NECTIN3: variants seen among roughly 807,000 people sequenced by gnomAD.
NECTIN3 encodes nectin cell adhesion molecule 3, also known as nectin-3.
In NECTIN3, 8 loss-of-function variants were observed where a neutral mutation model predicts 49.4. The observed-to-expected ratio is 0.16, with a 90% CI of 0.10 to 0.29. The LOEUF (loss-of-function observed/expected upper bound fraction) is 0.29. Ranked by LOEUF, NECTIN3 falls within the 10% of genes least tolerant of loss-of-function variation. The pLI is 1.00. For missense variants in NECTIN3, 581 were observed against 654.6 expected, an observed-to-expected ratio of 0.89 and a Z score of 1.23; for synonymous variants, 277 against 241.1, an observed-to-expected ratio of 1.15 and a Z score of -1.38.
At chr3:111,169,187 T>C (rs935980698) in intron 7 of NECTIN3, among the ~76,000 whole-genome samples, 3 of 148,708 alleles carry the variant, frequency 2.0e-5, no homozygotes, top group Admixed American at 2.0e-4. Flanking sequence ...CCTCGTGGGT[T>C]CACGCCATTC....
At chr3:111,162,649 A>T (rs758643324) in intron 7 of NECTIN3, among the ~76,000 whole-genome samples, 2 of 152,170 alleles carry the variant, frequency 1.3e-5, no homozygotes, top group Non-Finnish European at 2.9e-5. Flanking sequence ...AATTCATTAT[A>T]TATATAATTT....
In NECTIN3 at chr3:111,135,527, T is replaced by C. The variant is rs955795792; in HGVS notation, c.*1312T>C. 1.3e-5 allele frequency: 13 copies of C among 982,402 alleles called. No homozygotes were observed. The highest frequency in any genetic ancestry group is 1.6e-5 in the Non-Finnish European group (13 of 827,360). The allele number at this position is 982,402 out of a possible 1,614,324, so 60.9% of individuals were successfully genotyped here. The stretch of plus-strand genomic sequence containing the variant: ...GCTTCTACAGTGGAGGCTTACAAAA[T>C]TATTGTGACAACTATTTTGAAGCTG... On this transcript the variant is annotated 3_prime_UTR_variant, in exon 6 of 6. Coordinates refer to ENST00000485303, the MANE Select transcript of NECTIN3 (RefSeq NM_015480.3).
Position 111,136,946 on chromosome 3 carries a change from G to C in NECTIN3, c.*2731G>C. On this transcript the variant is annotated 3_prime_UTR_variant, in exon 6 of 6. Coordinates refer to ENST00000485303, the MANE Select transcript of NECTIN3 (RefSeq NM_015480.3). Reference sequence around the variant, plus strand: ...TGAAAGATTTAGTATTTTACCACGTGCCTAGTAGGGTTCTATTTGCTAACT... The same window carrying C: ...TGAAAGATTTAGTATTTTACCACGTCCCTAGTAGGGTTCTATTTGCTAACT... 2.1e-6 allele frequency: 2 copies of C among 974,216 alleles called. No homozygotes were observed. The highest frequency in any genetic ancestry group is 2.4e-6 in the Non-Finnish European group (2 of 819,954). 60.3% of individuals were successfully genotyped at this position (974,216 alleles called of 1,614,324 possible).
Position 111,072,002 on chromosome 3 carries a change from G to A in NECTIN3, c.-16G>A, listed in dbSNP as rs770636120. ...CGGGGGGCGGGCGGGCGAGCGGGCC[G>A]GGGGGAGGGTGGGGGATGGCGCGGA... On this transcript the variant is annotated 5_prime_UTR_variant, in exon 1 of 6. Coordinates refer to ENST00000485303, the MANE Select transcript of NECTIN3 (RefSeq NM_015480.3). The A allele has an allele frequency of 8.1e-5, 119 of 1,472,432 alleles. 1 individual carries two copies. The African/African-American group carries it at 9.9e-4, about 12-fold the overall frequency. 91.2% of individuals were successfully genotyped at this position (1,472,432 alleles called of 1,614,324 possible).
chr3:111,125,307 G>T (rs1029864553), intron 4 of NECTIN3, among the ~76,000 whole-genome samples: 7 of 151,866 alleles, frequency 4.6e-5, no homozygotes, highest in African/African-American at 1.7e-4. Flanking sequence ...GGGATTACAG[G>T]TGTGAGCCAC....
chr3:111,132,131 T>G (rs925018479), intron 5 of NECTIN3, among the ~76,000 whole-genome samples: 1 of 151,870 alleles, frequency 6.6e-6, no homozygotes, highest in Non-Finnish European at 1.5e-5. Flanking sequence ...ATTCTACACT[T>G]GTTTTCTTGG....
chr3:111,181,220 C>T (rs1285073762), intron 7 of NECTIN3, among the ~76,000 whole-genome samples: 1 of 152,152 alleles, frequency 6.6e-6, no homozygotes, highest in East Asian at 1.9e-4. Context: ...AATGGAATCC[C>T]AGTGTGCTCT....
chr3:111,079,262 A>G (rs2031438242), intron 1 of NECTIN3, among the ~76,000 whole-genome samples: 1 of 152,100 alleles, frequency 6.6e-6, no homozygotes, highest in Non-Finnish European at 1.5e-5. Flanking sequence ...AGTTGTAGCT[A>G]GATTCTTAAA....
At chr3:111,080,500 T>G (rs2031523837) in intron 1 of NECTIN3, among the ~76,000 whole-genome samples, 1 of 152,208 alleles carries the variant, frequency 6.6e-6, no homozygotes, top group South Asian at 2.1e-4. Flanking sequence ...AGGATACTAC[T>G]GTTGCTTTGC....
intron 7 of NECTIN3, among the ~76,000 whole-genome samples, chr3:111,171,676 A>G (rs1443386926): frequency 6.6e-6 from 1 of 151,940 alleles, no homozygotes; most frequent in African/African-American, 2.4e-5. Flanking sequence ...GAGATATTAT[A>G]TGACCCTACT....
intron 1 of NECTIN3, among the ~76,000 whole-genome samples, chr3:111,097,510 T>C (rs1477111391): frequency 1.3e-5 from 2 of 152,266 alleles, no homozygotes; most frequent in African/African-American, 4.8e-5. Context: ...TGGAATGATA[T>C]GGTTTGGCTG....
chr3:111,072,093 G>C lies in NECTIN3; in HGVS notation c.76G>C (p.Gly26Arg). Residue 26 changes from glycine to arginine, a missense_variant, in exon 1 of 6, where the codon GGA becomes CGA. Gly to Arg is a moderately radical substitution (Grantham distance 125). This residue lies in a region of NECTIN3 where 109 missense variants were observed against 69.1 expected (regional missense o/e 1.58). Transcript: ENST00000485303. ...KAQLSSASLL[G>R]AGLLLQPPTP... ...ACAACTTTCCTCCGCTTCTCTCCTCGGAGCCGGGCTCCTGCTGCAGCCCCC... is the reference window on the plus strand; with the variant it reads ...ACAACTTTCCTCCGCTTCTCTCCTCCGAGCCGGGCTCCTGCTGCAGCCCCC... The C allele has an allele frequency of 6.5e-7, 1 of 1,549,382 alleles. No homozygotes were observed. The highest frequency in any genetic ancestry group is 8.7e-7 in the Non-Finnish European group (1 of 1,146,104).
intron 7 of NECTIN3, among the ~76,000 whole-genome samples, chr3:111,169,281 G>A (rs556931872): frequency 1.1e-4 from 16 of 150,914 alleles, no homozygotes; most frequent in South Asian, 8.4e-4. Flanking sequence ...TATTAGAGAC[G>A]GGGTTTCACC....
At position 111,136,724 on chromosome 3, in the gene NECTIN3, C is replaced by A; in HGVS notation, c.*2509C>A. The A allele has an allele frequency of 3.3e-6, 3 of 918,858 alleles. No homozygotes were observed. The highest frequency in any genetic ancestry group is 3.9e-6 in the Non-Finnish European group (3 of 769,882). The allele number at this position is 918,858 out of a possible 1,614,324, so 56.9% of individuals were successfully genotyped here. A position where few individuals can be genotyped will look rare whatever the true frequency, so the allele number is the denominator to read the frequency against. ...TTTTTGGCCATATTTATATTTATTT[C>A]TTTCATATGGTTTGAACTGTTTTAG... On this transcript the variant is annotated 3_prime_UTR_variant, in exon 6 of 6. Coordinates refer to ENST00000485303, the MANE Select transcript of NECTIN3 (RefSeq NM_015480.3).
At chr3:111,176,258 C>A (rs1456065031) in intron 7 of NECTIN3, among the ~76,000 whole-genome samples, 1 of 152,106 alleles carries the variant, frequency 6.6e-6, no homozygotes, top group Admixed American at 6.5e-5. Flanking sequence ...AAGAAAAATC[C>A]TTGACTCATT....
At chr3:111,130,597 A>G (rs867452684) in intron 5 of NECTIN3, among the ~76,000 whole-genome samples, 13 of 152,188 alleles carry the variant, frequency 8.5e-5, no homozygotes, top group African/African-American at 3.1e-4. Flanking sequence ...AAATAAATGC[A>G]TCTTAGGACT....
At chr3:111,182,987 TTTAG>T (rs1428490447) in intron 7 of NECTIN3, among the ~76,000 whole-genome samples, 2 of 152,058 alleles carry the variant, frequency 1.3e-5, no homozygotes, top group African/African-American at 2.4e-5. Context: ...AATACATTTA[TTTAG>T]TATTTAGCAT....
upstream of NECTIN3, chr3:111,192,339 G>T: frequency 6.5e-7 from 1 of 1,534,828 alleles, no homozygotes. Context: ...ATCTTTTTGT[G>T]TTTTCTTCCA....
Position 111,112,271 on chromosome 3 carries a change from T to C in NECTIN3, c.402T>C (p.Thr134=), listed in dbSNP as rs769150384. The C allele has an allele frequency of 8.7e-6, 14 of 1,613,644 alleles. No homozygotes were observed. Among genetic ancestry groups the C allele is most frequent in the African/African-American group, 5.3e-5 (4 of 74,902 alleles). Residue 134 remains threonine (T), a synonymous_variant, in exon 2 of 6, where the codon ACT becomes ACC. Transcript: ENST00000485303. ...KNYSLNDATI[T]LHNIGFSDSG... is the part of the protein sequence containing the mutation. Reference sequence around the variant, plus strand: ...ACTCACTTAATGATGCAACAATTACTCTGCATAACATAGGATTCTCTGATT... The same window carrying C: ...ACTCACTTAATGATGCAACAATTACCCTGCATAACATAGGATTCTCTGATT...
Sources: allele counts gnomAD v4.1 joint callset (sites outside exome capture counted in the v4.1 genomes callset), GRCh38; gene constraint gnomAD v4.1.1; regional missense constraint gnomAD v4.1.1; transcripts MANE v1.5; gene names NCBI Gene and HGNC (gene_info 2026-07-23, HGNC 2026-07-21).